The following ATP6V0E1 variants were observed in gnomAD, a reference collection of about 807,000 sequenced individuals.
ATP6V0E1 encodes ATPase H+ transporting V0 subunit e1, also known as V-type proton ATPase subunit e 1.
Under a neutral mutation model 11.6 loss-of-function variants are expected in ATP6V0E1, and 4 were observed. That is an observed-to-expected ratio of 0.35 (90% confidence interval 0.17 to 0.79). The LOEUF (loss-of-function observed/expected upper bound fraction) is 0.79. ATP6V0E1 is among the 30% of genes least tolerant of loss of function. ATP6V0E1 has a pLI of 0.54. For missense variants in ATP6V0E1, 105 were observed against 100.0 expected (o/e 1.05, Z -0.21); for synonymous variants, 36 against 34.8 (o/e 1.04, Z -0.13).
intron 2 of ATP6V0E1, among the ~76,000 whole-genome samples, chr5:173,013,430 C>G (rs1756359606): frequency 6.6e-6 from 1 of 151,458 alleles, no homozygotes; most frequent in South Asian, 2.1e-4. Flanking sequence ...AAAAAATTAA[C>G]CAGGCGTAGT....
At chr5:173,017,857 A>G (rs974794158) in intron 2 of ATP6V0E1, among the ~76,000 whole-genome samples, 4 of 133,174 alleles carry the variant, frequency 3.0e-5, no homozygotes, top group South Asian at 2.4e-4. Flanking sequence ...AAAAAAAAAA[A>G]AAAGAAAAGA....
intron 1 of ATP6V0E1, among the ~76,000 whole-genome samples, chr5:172,991,648 G>C (rs991689539): frequency 1.3e-5 from 2 of 152,122 alleles, no homozygotes; most frequent in Non-Finnish European, 2.9e-5. Context: ...CGGGGGACTT[G>C]ATTCTGTAGG....
rs1412678001 is a variant in ATP6V0E1, at chr5:172,983,969, G to GT, written c.104+6dup. On this transcript the variant is annotated splice_donor_region_variant and intron_variant, in intron 1 of 3. Coordinates refer to ENST00000519374, the MANE Select transcript of ATP6V0E1 (RefSeq NM_003945.4). ...CCCTAAGGGTCCTAACCGGGGGTAA[G>GT]TGCGTGAGGCCCGCCTTGGGAGGAA... 1 of 1,612,114 alleles carries GT rather than the reference G, an allele frequency of 6.2e-7. No homozygotes were observed.
chr5:173,001,817 C>T (rs1756159993), intron 2 of ATP6V0E1, among the ~76,000 whole-genome samples: 1 of 151,228 alleles, frequency 6.6e-6, no homozygotes. Flanking sequence ...CACCCAGTTT[C>T]AAGTGATTCT....
chr5:173,010,158 G>A (rs115903420), intron 2 of ATP6V0E1, among the ~76,000 whole-genome samples: 1 of 152,312 alleles, frequency 6.6e-6, no homozygotes, highest in Non-Finnish European at 1.5e-5. Flanking sequence ...TACAGAGTGT[G>A]TATACTGAGT....
intron 3 of ATP6V0E1, chr5:173,021,033 T>TACTGCGAGCAGAC: frequency 2.3e-6 from 1 of 430,610 alleles, no homozygotes; most frequent in South Asian, 1.6e-5. Context: ...TAATTTATAT[T>TACTGCGAGCAGAC]TGGCTCGCAG....
Position 173,001,758 on chromosome 5 carries a change from G to T in ATP6V0E1, c.152+6936G>T, listed in dbSNP as rs56262636. ...CCCGAGACGGAGTTTCACTCTTGTT[G>T]TCCAGGCTAGAGTGCAATGGCTGGA... On this transcript the variant is annotated intron_variant, in intron 2 of 3. Coordinates refer to ENST00000519374, the MANE Select transcript of ATP6V0E1 (RefSeq NM_003945.4). 6.6e-3 allele frequency among the ~76,000 whole-genome samples: 925 copies of T among 140,610 alleles called. 7 individuals are homozygous for T. The highest frequency in any genetic ancestry group is 0.032 in the South Asian group (148 of 4,582). The allele number at this position is 140,610 out of a possible 152,430, so 92.2% of individuals were successfully genotyped here.
At chr5:173,002,279 C>T (rs969316689) in intron 2 of ATP6V0E1, among the ~76,000 whole-genome samples, 1 of 152,116 alleles carries the variant, frequency 6.6e-6, no homozygotes, top group Non-Finnish European at 1.5e-5. Context: ...TTTAAATTTC[C>T]GTAATTGTCT....
At chr5:173,015,783 G>A (rs1217367778) in intron 2 of ATP6V0E1, among the ~76,000 whole-genome samples, 1 of 152,192 alleles carries the variant, frequency 6.6e-6, no homozygotes, top group African/African-American at 2.4e-5. Flanking sequence ...CTAAAGTGCA[G>A]TGGTGCGACC....
intron 2 of ATP6V0E1, among the ~76,000 whole-genome samples, chr5:173,017,757 C>G (rs1184094291): frequency 6.7e-6 from 1 of 148,874 alleles, no homozygotes; most frequent in African/African-American, 2.5e-5. Context: ...AGGAGAATTG[C>G]TTGAACCCAG....
At chr5:173,020,482 C>T in intron 3 of ATP6V0E1, 115 bp downstream of exon 3, 2 of 626,304 alleles carry the variant, frequency 3.2e-6, no homozygotes, top group Non-Finnish European at 5.7e-6. Context: ...CTGCTGAATG[C>T]AAACACGATC....
chr5:173,013,574 CAAAAAAAAAAA>C (rs35084966), intron 2 of ATP6V0E1, among the ~76,000 whole-genome samples: 6 of 61,638 alleles, frequency 9.7e-5, no homozygotes, highest in Admixed American at 9.5e-4. Flanking sequence ...GACTCCATCT[CAAAAAAAAAAA>C]AAAAAAAAAG....
chr5:172,997,729 C>T (rs1002066658), intron 2 of ATP6V0E1, among the ~76,000 whole-genome samples: 4 of 151,756 alleles, frequency 2.6e-5, no homozygotes, highest in African/African-American at 4.8e-5. Context: ...AGGAGAATGG[C>T]GTGAACCCCG....
intron 1 of ATP6V0E1, chr5:172,987,025 A>T (rs1755907613): frequency 5.2e-6 from 1 of 192,352 alleles, no homozygotes. Flanking sequence ...TGACCTCATG[A>T]TCCGCCCATC....
chr5:172,993,224 A>G (rs1756011675), intron 1 of ATP6V0E1, among the ~76,000 whole-genome samples: 1 of 152,188 alleles, frequency 6.6e-6, no homozygotes, highest in African/African-American at 2.4e-5. Flanking sequence ...TTAACCAAAG[A>G]AAATACACAC....
chr5:172,988,009 C>G (rs1168834685), intron 1 of ATP6V0E1, among the ~76,000 whole-genome samples: 2 of 152,132 alleles, frequency 1.3e-5, no homozygotes, highest in Non-Finnish European at 2.9e-5. Flanking sequence ...CACCTCGGAC[C>G]TAATCTATTT....
Position 173,003,599 on chromosome 5 carries a change from C to CA in ATP6V0E1, c.152+8778dup, listed in dbSNP as rs145979723. On this transcript the variant is annotated intron_variant, in intron 2 of 3. Transcript: ENST00000519374. ...TGCATGCATGCCAGTGAGAGATCAC[C>CA]ATGGTTTGGTCTGAGGTGAAGAGAG... is the stretch of plus-strand genomic sequence containing the variant. Among the ~76,000 whole-genome samples, 686 of 152,154 alleles carry CA rather than the reference C, an allele frequency of 4.5e-3. 5 individuals are homozygous for CA. The highest frequency in any genetic ancestry group is 0.016 in the African/African-American group (649 of 41,512).
chr5:173,029,922 C>T (rs536411049), intron 3 of ATP6V0E1, among the ~76,000 whole-genome samples: 2 of 152,272 alleles, frequency 1.3e-5, no homozygotes, highest in Middle Eastern at 6.8e-3. Flanking sequence ...GTGGTGTGGG[C>T]CCTTGTTCTT....
intron 1 of ATP6V0E1, chr5:172,986,815 GTC>G (rs1755904618): frequency 2.4e-6 from 1 of 419,126 alleles, no homozygotes; most frequent in Non-Finnish European, 4.7e-6. Context: ...TTGAGACAGA[GTC>G]TCACTCTGTC....
Sources: gnomAD v4.1 joint callset for allele counts (sites outside exome capture counted in the v4.1 genomes callset) on GRCh38, gnomAD v4.1.1 for gene constraint, MANE v1.5 for transcripts, NCBI Gene and HGNC (gene_info 2026-07-23, HGNC 2026-07-21) for gene names.